Variants in ZNF208 observed in about 807,000 individuals in gnomAD.
The protein encoded by ZNF208 is zinc finger protein 208.
In ZNF208, 10 loss-of-function variants were observed where a neutral mutation model predicts 12.1. That is an observed-to-expected ratio of 0.83 (90% confidence interval 0.51 to 1.40). ZNF208 has a LOEUF of 1.40. Among genes scored for constraint, ZNF208 ranks in the 40% most tolerant of loss-of-function variants. The pLI, the probability that ZNF208 is intolerant of heterozygous loss-of-function variation, is 0.00. For synonymous variants in ZNF208, 497 were observed against 488.4 expected (o/e 1.02, Z -0.23); for missense variants, 1,652 against 1,485.0 (o/e 1.11, Z -1.85).
In ZNF208 at chr19:21,942,138, A is replaced by T. The variant is rs1969751587; in HGVS notation, c.306-8901T>A. Among the ~76,000 whole-genome samples the T allele has an allele frequency of 1.3e-5, 2 of 152,210 alleles. 1 individual carries two copies. The highest frequency in any genetic ancestry group is 4.1e-4 in the South Asian group (2 of 4,836). ...GTGGTTTGCCGTATGATATGAATACAGGCATTCAATTAAAATACCAAATAT... is the reference window on the plus strand; with the variant it reads ...GTGGTTTGCCGTATGATATGAATACTGGCATTCAATTAAAATACCAAATAT... On this transcript the variant is annotated intron_variant, in intron 4 of 4. Transcript: ENST00000599916.
At chr19:22,007,665 T>C (rs2145589298) in intron 1 of ZNF208, among the ~76,000 whole-genome samples, 1 of 152,070 alleles carries the variant, frequency 6.6e-6, no homozygotes, top group South Asian at 2.1e-4. Flanking sequence ...AATATTTTCT[T>C]ACCTTTCAAG....
intron 4 of ZNF208, among the ~76,000 whole-genome samples, chr19:21,950,111 TTAAA>T (rs879568633): frequency 4.9e-4 from 75 of 152,332 alleles, no homozygotes; most frequent in African/African-American, 1.7e-3. Flanking sequence ...TTTTAATTAA[TTAAA>T]TAAACATTTT....
At chr19:21,965,150 T>C (rs10418985), downstream of ZNF208, among the ~76,000 whole-genome samples, 84,629 of 151,832 alleles carry the variant, frequency 0.56, 23,854 homozygotes, top group East Asian at 0.69. Flanking sequence ...AATACTATCA[T>C]CTGGTAGAAA....
rs1482096589 is a variant in ZNF208, at chr19:21,973,421, G to C, written c.1613C>G (p.Ser538Ter). 1 of 1,612,614 alleles carries C rather than the reference G, an allele frequency of 6.2e-7. No individual in the cohort carries two copies. The highest frequency in any genetic ancestry group is 8.5e-7 in the Non-Finnish European group (1 of 1,179,848). The stretch of plus-strand genomic sequence containing the variant: ...AATTACCTTATGTTTAGTAAGGATT[G>C]AGAATGTACTGAAGCTTTTGCCACA... ...EECGKSFSTF[S>*]ILTKHKVIHT... The change falls in exon 4 of 4, where the codon TCA becomes TGA. Residue 538 changes from serine (S) to a stop codon, truncating the protein, a stop_gained. Coordinates refer to ENST00000397126, the MANE Select transcript of ZNF208 (RefSeq NM_007153.3). LOFTEE classifies it low-confidence loss of function (END_TRUNC).
At chr19:21,990,944 T>G (rs1348850643) in intron 1 of ZNF208, among the ~76,000 whole-genome samples, 2 of 152,194 alleles carry the variant, frequency 1.3e-5, no homozygotes, top group Non-Finnish European at 2.9e-5. Context: ...GTGATTTTTG[T>G]ACATTGATTT....
chr19:21,962,485 TCAC>T (rs1452454666), downstream of ZNF208, among the ~76,000 whole-genome samples: 1 of 152,136 alleles, frequency 6.6e-6, no homozygotes, highest in East Asian at 1.9e-4. Context: ...TCTGCTCAAA[TCAC>T]CATTTCCTTT....
chr19:21,942,185 A>C (rs1450488938), intron 4 of ZNF208, among the ~76,000 whole-genome samples: 1 of 152,192 alleles, frequency 6.6e-6, no homozygotes, highest in Non-Finnish European at 1.5e-5. Flanking sequence ...GTTTTTAGAC[A>C]ATAGACTTAA....
intron 4 of ZNF208, among the ~76,000 whole-genome samples, chr19:21,945,848 G>A (rs962540588): frequency 5.9e-5 from 9 of 151,950 alleles, no homozygotes; most frequent in African/African-American, 1.5e-4. Flanking sequence ...AGGGTTTATG[G>A]AGAGCCCCCA....
Position 21,972,803 on chromosome 19 carries a change from G to C in ZNF208, c.2231C>G (p.Thr744Ser). The change falls in exon 4 of 4, where the codon ACT becomes AGT. Residue 744 changes from threonine to serine, a missense_variant. Physicochemically the swap from Thr to Ser is moderately conservative, Grantham distance 58. Transcript: ENST00000397126. Reference sequence around the variant, plus strand: ...TTCACATTTGTAGGGTTTCTCTCCAGTATGAATTACCTTATGTTTAGTAAG... The same window carrying C: ...TTCACATTTGTAGGGTTTCTCTCCACTATGAATTACCTTATGTTTAGTAAG... ...SVLTKHKVIH[T>S]GEKPYKCEEC... is the part of the protein sequence containing the mutation. 6.2e-7 allele frequency: 1 copy of C among 1,612,082 alleles called. No homozygotes were observed. The highest frequency in any genetic ancestry group is 8.5e-7 in the Non-Finnish European group (1 of 1,179,830).
intron 4 of ZNF208, among the ~76,000 whole-genome samples, chr19:21,950,377 C>G (rs1320100647): frequency 6.6e-6 from 1 of 151,962 alleles, no homozygotes; most frequent in Admixed American, 6.6e-5. Context: ...AAGATCTCTG[C>G]TTTTTTTCAT....
In ZNF208 at chr19:21,987,269, T is replaced by G. The variant is rs1391573169; in HGVS notation, c.173A>C (p.Glu58Ala). Residue 58 changes from glutamate to alanine, a missense_variant, in exon 3 of 4, where the codon GAA (glutamate) becomes GCA (alanine). Physicochemically the swap from Glu to Ala is moderately radical, Grantham distance 107 (BLOSUM62 -1). This residue lies in a region of ZNF208 where 410 missense variants were observed against 378.2 expected (regional missense o/e 1.08). Transcript: ENST00000397126. ...CTTCATATTCCAGGACTCTTTTCCTTCCTCCAGAAAAATGATCAGGTCTGG... is the reference window on the plus strand; with the variant it reads ...CTTCATATTCCAGGACTCTTTTCCTGCCTCCAGAAAAATGATCAGGTCTGG... ...FKPDLIIFLE[E>A]GKESWNMKRH... 3 of 1,612,620 alleles carry G rather than the reference T, an allele frequency of 1.9e-6. No individual in the cohort carries two copies. The highest frequency in any genetic ancestry group is 2.5e-6 in the Non-Finnish European group (3 of 1,179,476).
At chr19:21,945,906 G>GAA (rs36107625) in intron 4 of ZNF208, among the ~76,000 whole-genome samples, 18 of 149,208 alleles carry the variant, frequency 1.2e-4, no homozygotes, top group Admixed American at 2.0e-4. Flanking sequence ...AAGCAGCTTG[G>GAA]AAAAAAAAAA....
At chr19:21,988,219 T>C (rs1183453312) in intron 2 of ZNF208, among the ~76,000 whole-genome samples, 1 of 152,054 alleles carries the variant, frequency 6.6e-6, no homozygotes, top group African/African-American at 2.4e-5. Flanking sequence ...TTTTTTTCTA[T>C]ATGGAAAAAC....
Position 21,972,110 on chromosome 19 carries a change from T to A in ZNF208, c.2924A>T (p.Tyr975Phe). The change falls in exon 4 of 4, where the codon TAT becomes TTT. Residue 975 changes from tyrosine to phenylalanine, a missense_variant. By Grantham distance (22) the Tyr-to-Phe change is conservative (BLOSUM62 3). Transcript: ENST00000397126. ...KIHTEEKPYKYEECGKGFSTF... is the reference protein window; with the variant it reads ...KIHTEEKPYKFEECGKGFSTF... The stretch of plus-strand genomic sequence containing the variant: ...ACTAAAGCCTTTGCCACATTCTTCA[T>A]ATTTGTAAGGTTTCTCTTCAGTATG... 1 of 1,608,718 alleles carries A rather than the reference T, an allele frequency of 6.2e-7. No individual in the cohort carries two copies. The highest frequency in any genetic ancestry group is 1.4e-5 in the African/African-American group (1 of 73,774).
At position 21,971,500 on chromosome 19, in the gene ZNF208, A is replaced by G. The variant is rs1181621405; in HGVS notation, c.3534T>C (p.Phe1178=). ...PYKCEECGKG[F]VMFSILAKHK... Reference sequence around the variant, plus strand: ...GTTTTGCAAGGATTGAGAACATAACAAAGCCTTTGCCACATTCTTCACATT... The same window carrying G: ...GTTTTGCAAGGATTGAGAACATAACGAAGCCTTTGCCACATTCTTCACATT... Residue 1178 remains phenylalanine (F), a synonymous_variant, in exon 4 of 4, where the codon TTT becomes TTC. Transcript: ENST00000397126. 5 of 1,610,800 alleles carry G rather than the reference A, an allele frequency of 3.1e-6. No homozygotes were observed. The highest frequency in any genetic ancestry group is 4.2e-6 in the Non-Finnish European group (5 of 1,179,760).
intron 4 of ZNF208, among the ~76,000 whole-genome samples, chr19:21,949,388 G>A (rs1438210427): frequency 3.3e-5 from 5 of 152,154 alleles, no homozygotes; most frequent in Admixed American, 3.3e-4. Context: ...GGTCTAGTCA[G>A]AAGATACAAG....
At chr19:21,947,961 C>G (rs1849001) in intron 4 of ZNF208, among the ~76,000 whole-genome samples, 84,733 of 151,844 alleles carry the variant, frequency 0.56, 23,906 homozygotes, top group East Asian at 0.69. Flanking sequence ...GTCCTGCCAA[C>G]GAGCTCCTCT....
At position 21,973,950 on chromosome 19, in the gene ZNF208, T is replaced by A; in HGVS notation, c.1084A>T (p.Ile362Phe). 6.2e-7 allele frequency: 1 copy of A among 1,613,572 alleles called. No homozygotes were observed. The highest frequency in any genetic ancestry group is 8.5e-7 in the Non-Finnish European group (1 of 1,179,874). The change falls in exon 4 of 4, where the codon ATT (isoleucine) becomes TTT (phenylalanine). Residue 362 changes from isoleucine to phenylalanine, a missense_variant. By Grantham distance (21) the Ile-to-Phe change is conservative (BLOSUM62 0). Around this residue, in one of 3 missense-constraint regions of ZNF208, gnomAD observed 1,239 missense variants for 1,086.2 expected, o/e 1.14. Coordinates refer to ENST00000397126, the MANE Select transcript of ZNF208 (RefSeq NM_007153.3). Reference protein sequence around the residue: ...KFSILTKHKVIHTGEKPYKCE... With the variant: ...KFSILTKHKVFHTGEKPYKCE... The stretch of plus-strand genomic sequence containing the variant: ...TTGTAGGGTTTCTCTCCAGTATGAA[T>A]TACCTTATGTTTAGTAAGGATTGAG...
intron 1 of ZNF208, among the ~76,000 whole-genome samples, chr19:21,999,139 A>G (rs918715272): frequency 6.6e-6 from 1 of 151,674 alleles, no homozygotes; most frequent in African/African-American, 2.4e-5. Flanking sequence ...TATCTACTAT[A>G]ATGATTTAAT....
Sources: allele counts gnomAD v4.1 joint callset (sites outside exome capture counted in the v4.1 genomes callset), GRCh38; gene constraint gnomAD v4.1.1; regional missense constraint gnomAD v4.1.1; transcripts MANE v1.5; gene names NCBI Gene and HGNC (gene_info 2026-07-23, HGNC 2026-07-21).